PTBP2: variants seen among roughly 807,000 people sequenced by gnomAD.
PTBP2 encodes polypyrimidine tract-binding protein 2.
Under a neutral mutation model 61.4 loss-of-function variants are expected in PTBP2, and 13 were observed. The ratio of observed to expected loss-of-function variants is 0.21; its 90% CI spans 0.14 to 0.34. The LOEUF is 0.34. PTBP2 is among the 10% of genes least tolerant of loss of function. The pLI, the probability that PTBP2 is intolerant of heterozygous loss-of-function variation, is 1.00. For synonymous variants in PTBP2, 215 were observed against 218.5 expected (o/e 0.98, Z 0.14); for missense variants, 405 against 642.6 (o/e 0.63, Z 4.00).
rs910719535 is a variant in PTBP2, at chr1:96,752,346, T to C, written c.115+846T>C. Among the ~76,000 whole-genome samples the C allele has an allele frequency of 7.2e-5, 11 of 152,276 alleles. No individual in the cohort carries two copies. In the East Asian group the frequency reaches 1.7e-3, roughly 24 times the overall value. ...ATTTGCTTGAAGAACAAATTATATT[T>C]GGCAATAAAAGGATCATGAAAGACT... is the stretch of plus-strand genomic sequence containing the variant. On this transcript the variant is annotated intron_variant, in intron 3 of 13. Coordinates refer to ENST00000674951, the MANE Select transcript of PTBP2 (RefSeq NM_021190.4).
At chr1:96,727,234 T>C (rs1381197386) in intron 2 of PTBP2, among the ~76,000 whole-genome samples, 1 of 152,250 alleles carries the variant, frequency 6.6e-6, no homozygotes, top group African/African-American at 2.4e-5. Context: ...CAATAGTCCA[T>C]TCTGTTTTAT....
At chr1:96,762,701 C>A (rs1003367511) in intron 3 of PTBP2, among the ~76,000 whole-genome samples, 1 of 150,378 alleles carries the variant, frequency 6.6e-6, no homozygotes, top group African/African-American at 2.5e-5. Context: ...CTGGATGGGG[C>A]GGCTGGCCTG....
chr1:96,787,420 T>C (rs1659329559), intron 8 of PTBP2, among the ~76,000 whole-genome samples: 1 of 152,226 alleles, frequency 6.6e-6, no homozygotes, highest in Non-Finnish European at 1.5e-5. Flanking sequence ...CTTTTTCCAC[T>C]TCTGTGTTGA....
intron 8 of PTBP2, among the ~76,000 whole-genome samples, chr1:96,789,501 A>G (rs1034325418): frequency 5.3e-5 from 8 of 152,090 alleles, no homozygotes; most frequent in Non-Finnish European, 1.0e-4. Flanking sequence ...AATTACTGCT[A>G]CAGAAAAGAG....
exon 14 of PTBP2, chr1:96,821,833 G>C (rs1662694381): frequency 6.6e-6 from 1 of 151,956 alleles, no homozygotes; most frequent in Non-Finnish European, 1.5e-5. Context: ...TTTACCATGT[G>C]ACCAGGCTGG....
chr1:96,780,220 CCT>C (rs1658503013), intron 7 of PTBP2, among the ~76,000 whole-genome samples: 1 of 151,662 alleles, frequency 6.6e-6, no homozygotes, highest in Non-Finnish European at 1.5e-5. Flanking sequence ...TCTGTCATCC[CCT>C]TTCTCATTTA....
chr1:96,723,532 G>C, intron 1 of PTBP2, 32 bp from the exon 2 acceptor site: 1 of 1,561,172 alleles, frequency 6.4e-7, no homozygotes, highest in East Asian at 2.3e-5. Context: ...AAGAATAACA[G>C]GAGGTTGAAA....
chr1:96,745,983 T>G (rs1054301789), intron 2 of PTBP2, among the ~76,000 whole-genome samples: 1 of 151,832 alleles, frequency 6.6e-6, no homozygotes, highest in African/African-American at 2.4e-5. Flanking sequence ...GGAGAATCGC[T>G]TGAACCCAGG....
chr1:96,747,801 C>T (rs776433177), intron 2 of PTBP2, among the ~76,000 whole-genome samples: 1 of 151,756 alleles, frequency 6.6e-6, no homozygotes, highest in Non-Finnish European at 1.5e-5. Flanking sequence ...GGCTTTTGTT[C>T]TTGGCTATGT....
At chr1:96,722,722 C>G (rs755262398) in intron 1 of PTBP2, among the ~76,000 whole-genome samples, 5 of 152,154 alleles carry the variant, frequency 3.3e-5, no homozygotes, top group Non-Finnish European at 7.3e-5. Flanking sequence ...TGGTCAGTTT[C>G]TGGAAAAACG....
chr1:96,754,872 C>G (rs565773937), intron 3 of PTBP2, among the ~76,000 whole-genome samples: 5 of 152,006 alleles, frequency 3.3e-5, no homozygotes, highest in Non-Finnish European at 7.4e-5. Flanking sequence ...TGGATCATGG[C>G]CTAATGTAAA....
chr1:96,766,909 G>A (rs1211970296), intron 3 of PTBP2, among the ~76,000 whole-genome samples: 1 of 152,104 alleles, frequency 6.6e-6, no homozygotes, highest in Non-Finnish European at 1.5e-5. Flanking sequence ...CATGCTCCCT[G>A]AGTTTAATCC....
chr1:96,732,166 C>T (rs1651512926), intron 2 of PTBP2, among the ~76,000 whole-genome samples: 1 of 152,102 alleles, frequency 6.6e-6, no homozygotes, highest in Non-Finnish European at 1.5e-5. Context: ...TATGATATGA[C>T]TATTGAATTC....
At chr1:96,783,197 T>A (rs1658882508) in intron 7 of PTBP2, among the ~76,000 whole-genome samples, 2 of 152,006 alleles carry the variant, frequency 1.3e-5, no homozygotes, top group South Asian at 4.1e-4. Flanking sequence ...TTATTTGTGG[T>A]CACCTCCTTT....
At chr1:96,752,211 A>C (rs1421979345) in intron 3 of PTBP2, among the ~76,000 whole-genome samples, 1 of 151,926 alleles carries the variant, frequency 6.6e-6, no homozygotes, top group Non-Finnish European at 1.5e-5. Flanking sequence ...GAATGGGCCA[A>C]ATTTTGAATT....
intron 2 of PTBP2, among the ~76,000 whole-genome samples, chr1:96,748,569 T>C (rs1654141026): frequency 6.6e-6 from 1 of 152,196 alleles, no homozygotes; most frequent in Admixed American, 6.5e-5. Flanking sequence ...GTTTCTGTGG[T>C]CAGATTTAAT....
intron 5 of PTBP2, among the ~76,000 whole-genome samples, chr1:96,776,333 A>C (rs1658037052): frequency 6.6e-6 from 1 of 151,250 alleles, no homozygotes; most frequent in African/African-American, 2.4e-5. Context: ...TTATTTTTTC[A>C]ATAATAGTAT....
intron 1 of PTBP2, among the ~76,000 whole-genome samples, chr1:96,722,544 C>T (rs1157740816): frequency 6.6e-6 from 1 of 152,070 alleles, no homozygotes; most frequent in Non-Finnish European, 1.5e-5. Context: ...GGAAAAAATG[C>T]CTTTTTGTGG....
chr1:96,812,472 G>C (rs1315480399), intron 11 of PTBP2, among the ~76,000 whole-genome samples: 1 of 152,116 alleles, frequency 6.6e-6, no homozygotes, highest in African/African-American at 2.4e-5. Context: ...GGATTGTTGA[G>C]GAAGATAGAT....
Sources: gnomAD v4.1 joint callset for allele counts (sites outside exome capture counted in the v4.1 genomes callset) on GRCh38, gnomAD v4.1.1 for gene constraint, MANE v1.5 for transcripts, NCBI Gene and HGNC (gene_info 2026-07-23, HGNC 2026-07-21) for gene names.